TRPM3: variants seen among roughly 807,000 people sequenced by gnomAD.
The protein encoded by TRPM3 is long transient receptor potential channel 3.
In TRPM3, 77 loss-of-function variants were observed where a neutral mutation model predicts 181.2. The observed-to-expected ratio is 0.42, with a 90% confidence interval of 0.35 to 0.51. The LOEUF (loss-of-function observed/expected upper bound fraction) is 0.51, where lower values mean the gene tolerates loss of function less well. Among genes scored for constraint, TRPM3 ranks in the 20% least tolerant of loss-of-function variants. TRPM3 has a pLI of 0.01. For missense variants in TRPM3, 1,759 were observed against 2,196.7 expected (o/e 0.80, Z 3.98); for synonymous variants, 745 against 796.4 (o/e 0.94, Z 1.09).
intron 5 of TRPM3, among the ~76,000 whole-genome samples, chr9:70,839,809 A>G (rs1238502228): frequency 6.6e-6 from 1 of 152,184 alleles, no homozygotes; most frequent in Non-Finnish European, 1.5e-5. Context: ...CTGAAGTGGT[A>G]AAGATTTTTA....
intron 25 of TRPM3, among the ~76,000 whole-genome samples, chr9:70,546,843 G>C (rs758524187): frequency 3.3e-5 from 5 of 152,130 alleles, no homozygotes; most frequent in Non-Finnish European, 7.3e-5. Flanking sequence ...AGATGCATCA[G>C]GGTCATTGCT....
chr9:71,233,222 C>T (rs1011410819), intron 1 of TRPM3, among the ~76,000 whole-genome samples: 6 of 152,146 alleles, frequency 3.9e-5, no homozygotes, highest in African/African-American at 1.4e-4. Flanking sequence ...GAATCATTTT[C>T]CCTCCTTTAA....
chr9:70,960,823 A>G (rs2097129291), intron 1 of TRPM3, among the ~76,000 whole-genome samples: 1 of 152,044 alleles, frequency 6.6e-6, no homozygotes, highest in South Asian at 2.1e-4. Context: ...TTCCCTGGCC[A>G]CCGCTCTGCC....
intron 1 of TRPM3, among the ~76,000 whole-genome samples, chr9:71,185,136 G>C (rs2077602715): frequency 6.6e-6 from 1 of 152,002 alleles, no homozygotes; most frequent in African/African-American, 2.4e-5. Context: ...GAACTCTTTA[G>C]GGTAAAAAAA....
intron 1 of TRPM3, among the ~76,000 whole-genome samples, chr9:71,239,801 G>A (rs529133344): frequency 2.6e-5 from 4 of 152,072 alleles, no homozygotes; most frequent in South Asian, 2.1e-4. Context: ...ATAGGAATGC[G>A]GAAAACATGC....
intron 1 of TRPM3, among the ~76,000 whole-genome samples, chr9:71,358,824 C>T (rs2092017112): frequency 6.6e-6 from 1 of 152,082 alleles, no homozygotes; most frequent in South Asian, 2.1e-4. Flanking sequence ...GTGGTTTTAT[C>T]CGTCTGGTTA....
At chr9:70,570,777 T>C (rs574767388) in intron 22 of TRPM3, among the ~76,000 whole-genome samples, 54 of 152,296 alleles carry the variant, frequency 3.5e-4, no homozygotes, top group Non-Finnish European at 7.6e-4. Context: ...GTCCATTGAA[T>C]GGCCACCGAA....
At chr9:71,424,633 C>T (rs1013535476) in intron 1 of TRPM3, among the ~76,000 whole-genome samples, 5 of 151,880 alleles carry the variant, frequency 3.3e-5, no homozygotes, top group Admixed American at 1.3e-4. Context: ...TATAGAGGAC[C>T]TATCTTCTCT....
intron 1 of TRPM3, chr9:71,446,503 G>A (rs2094205860): frequency 2.6e-6 from 2 of 763,234 alleles, no homozygotes; most frequent in African/African-American, 1.8e-5. Flanking sequence ...CTTCCTCACA[G>A]CCCCCAGCAC....
chr9:71,340,916 A>G (rs2090919011), intron 1 of TRPM3, among the ~76,000 whole-genome samples: 1 of 152,076 alleles, frequency 6.6e-6, no homozygotes, highest in Non-Finnish European at 1.5e-5. Flanking sequence ...CCAGAAAGTA[A>G]AAGTGCCAAA....
Position 70,693,909 on chromosome 9 carries a change from A to G in TRPM3, c.1273-12331T>C, listed in dbSNP as rs184821325. On this transcript the variant is annotated intron_variant, in intron 8 of 25. Coordinates refer to ENST00000677713, the MANE Select transcript of TRPM3 (RefSeq NM_001366145.2). Reference sequence around the variant, plus strand: ...TTCTGATTACTTTAGGAAAAGATACATTTTACTTCTTCTTCCCTTCCTGCT... The same window carrying G: ...TTCTGATTACTTTAGGAAAAGATACGTTTTACTTCTTCTTCCCTTCCTGCT... Among the ~76,000 whole-genome samples, 20 of 152,336 alleles carry G rather than the reference A, an allele frequency of 1.3e-4. No homozygotes were observed. The East Asian group carries it at 3.3e-3, about 25-fold the overall frequency.
At chr9:70,540,085 G>T (rs59077971) in intron 25 of TRPM3, among the ~76,000 whole-genome samples, 3,012 of 152,162 alleles carry the variant, frequency 0.02, 89 homozygotes, top group African/African-American at 0.07. Context: ...CAATCCTCCC[G>T]CCTCGGCCTC....
chr9:70,762,082 T>G (rs1421356938), intron 7 of TRPM3, among the ~76,000 whole-genome samples: 1 of 152,174 alleles, frequency 6.6e-6, no homozygotes, highest in African/African-American at 2.4e-5. Context: ...ATAGTACTGT[T>G]CTTAACAGTA....
chr9:70,889,912 A>C (rs1408221426), intron 1 of TRPM3, among the ~76,000 whole-genome samples: 1 of 148,950 alleles, frequency 6.7e-6, no homozygotes, highest in African/African-American at 2.4e-5. Context: ...TAAACAACAT[A>C]AAATTAGTAT....
Position 71,143,056 on chromosome 9 carries a change from G to A in TRPM3, c.184-278545C>T, listed in dbSNP as rs539262935. On this transcript the variant is annotated intron_variant, in intron 1 of 24. Transcript: ENST00000357533. ...TTCCGGCTACTTGGGAGGCTGAGGC[G>A]GGAAGATCACTTGGGCCATGATCAC... 2.8e-4 allele frequency among the ~76,000 whole-genome samples: 42 copies of A among 150,962 alleles called. No individual in the cohort carries two copies. In the South Asian group the frequency reaches 7.8e-3, roughly 28 times the overall value.
At chr9:71,068,525 T>C (rs916280636) in intron 1 of TRPM3, among the ~76,000 whole-genome samples, 3 of 152,196 alleles carry the variant, frequency 2.0e-5, no homozygotes, top group Admixed American at 6.5e-5. Flanking sequence ...AACTAGTATG[T>C]GCTTCTAGAA....
intron 9 of TRPM3, among the ~76,000 whole-genome samples, chr9:70,676,798 T>C (rs991297614): frequency 1.3e-5 from 2 of 152,024 alleles, no homozygotes; most frequent in African/African-American, 4.8e-5. Context: ...TTCTCTTTGA[T>C]CTTCACCTGC....
At chr9:70,629,393 T>C (rs1324899254) in intron 12 of TRPM3, among the ~76,000 whole-genome samples, 2 of 152,084 alleles carry the variant, frequency 1.3e-5, no homozygotes, top group African/African-American at 4.8e-5. Context: ...TGGAGTGCAA[T>C]GGTGTGATCT....
upstream of TRPM3, chr9:71,446,962 C>T: frequency 1.0e-6 from 1 of 976,220 alleles, no homozygotes; most frequent in Non-Finnish European, 1.4e-6. Flanking sequence ...CCGCCGGCTC[C>T]TGCCAGAGCC....
Sources: gnomAD v4.1 joint callset for allele counts (sites outside exome capture counted in the v4.1 genomes callset) on GRCh38, gnomAD v4.1.1 for gene constraint, MANE v1.5 for transcripts, NCBI Gene and HGNC (gene_info 2026-07-23, HGNC 2026-07-21) for gene names.